WWOX: variants seen among roughly 807,000 people sequenced by gnomAD.
WWOX encodes the protein WW domain-containing oxidoreductase.
A neutral mutation model predicts 46.2 loss-of-function variants in WWOX; 69 were observed. The ratio of observed to expected loss-of-function variants is 1.49; its 90% CI spans 1.23 to 1.82. The LOEUF (loss-of-function observed/expected upper bound fraction) is 1.82, where lower values mean the gene tolerates loss of function less well. Among genes scored for constraint, WWOX ranks in the 40% most tolerant of loss-of-function variants. The probability of loss-of-function intolerance (pLI) is 0.00; values close to 1 mark genes in which losing one functional copy is unlikely to be tolerated. For synonymous variants in WWOX, 359 were observed against 202.6 expected (o/e 1.77, Z -6.56); for missense variants, 919 against 542.6 (o/e 1.69, Z -6.89).
At chr16:78,908,063 A>C (rs376343524) in intron 8 of WWOX, among the ~76,000 whole-genome samples, 1 of 152,172 alleles carries the variant, frequency 6.6e-6, no homozygotes, top group African/African-American at 2.4e-5. Flanking sequence ...GAAAGTTTAT[A>C]GTTCCCAAAT....
At position 78,339,613 on chromosome 16, in the gene WWOX, A is replaced by G. The variant is rs546410045; in HGVS notation, c.517-47247A>G. The stretch of plus-strand genomic sequence containing the variant: ...TAGTAGCTTTCTGAAAAAGGATGAT[A>G]GAATATGTGTGTGTGTCTGTGTGTG... On this transcript the variant is annotated intron_variant, in intron 5 of 8. Transcript: ENST00000566780. 2.8e-4 allele frequency among the ~76,000 whole-genome samples: 33 copies of G among 119,910 alleles called. 9 individuals carry two copies. The highest frequency in any genetic ancestry group is 5.6e-4 in the Non-Finnish European group (28 of 50,324). 78.7% of individuals were successfully genotyped at this position (119,910 alleles called of 152,430 possible). A position where few individuals can be genotyped will look rare whatever the true frequency, so the allele number is the denominator to read the frequency against.
chr16:79,133,311 C>T (rs759701633), intron 8 of WWOX, among the ~76,000 whole-genome samples: 1 of 152,148 alleles, frequency 6.6e-6, no homozygotes, highest in African/African-American at 2.4e-5. Context: ...CGCCACTTAA[C>T]AATTTTCCAC....
At chr16:78,796,493 G>A (rs1056731537) in intron 8 of WWOX, among the ~76,000 whole-genome samples, 5 of 152,236 alleles carry the variant, frequency 3.3e-5, no homozygotes, top group African/African-American at 1.2e-4. Context: ...ATGTAGTCTG[G>A]TGATGCCTCG....
chr16:78,449,396 A>G (rs1169473829), intron 8 of WWOX, among the ~76,000 whole-genome samples: 2 of 152,192 alleles, frequency 1.3e-5, no homozygotes, highest in African/African-American at 2.4e-5. Context: ...TCACAGTGGT[A>G]TGAATCCTGA....
chr16:78,941,479 A>G (rs1346860400), intron 8 of WWOX, among the ~76,000 whole-genome samples: 1 of 148,098 alleles, frequency 6.8e-6, no homozygotes, highest in Non-Finnish European at 1.5e-5. Context: ...TTTTTTTGTC[A>G]GTAGAGGGTG....
intron 8 of WWOX, chr16:79,077,814 C>G (rs923241475): frequency 1.3e-5 from 2 of 152,078 alleles, no homozygotes; most frequent in African/African-American, 4.8e-5. Context: ...AGTTTGTATT[C>G]TCCTAAACTC....
chr16:79,206,398 C>G (rs2051511326), intron 8 of WWOX: 1 of 152,220 alleles, frequency 6.6e-6, no homozygotes, highest in Non-Finnish European at 1.5e-5. Context: ...ACGTAATTAT[C>G]TGTATGGCTT....
chr16:79,176,217 A>G (rs1044790193), intron 8 of WWOX, among the ~76,000 whole-genome samples: 1 of 152,244 alleles, frequency 6.6e-6, no homozygotes, highest in East Asian at 1.9e-4. Context: ...ACAGAAAGCA[A>G]CATAAGTGGG....
At chr16:78,919,047 C>T (rs946625947) in intron 8 of WWOX, among the ~76,000 whole-genome samples, 5 of 152,030 alleles carry the variant, frequency 3.3e-5, no homozygotes, top group Non-Finnish European at 5.9e-5. Flanking sequence ...TCAGTCATAG[C>T]AGCCGCTGCC....
chr16:78,972,454 G>A (rs1319554962), intron 8 of WWOX, among the ~76,000 whole-genome samples: 1 of 137,334 alleles, frequency 7.3e-6, no homozygotes, highest in African/African-American at 2.8e-5. Flanking sequence ...CTGGAAGGAA[G>A]TCAGCAAGCA....
intron 8 of WWOX, among the ~76,000 whole-genome samples, chr16:78,475,003 C>G (rs563908806): frequency 6.6e-6 from 1 of 152,074 alleles, no homozygotes; most frequent in Non-Finnish European, 1.5e-5. Flanking sequence ...TGAGATTCAT[C>G]TTTGTAGCCA....
intron 8 of WWOX, among the ~76,000 whole-genome samples, chr16:78,983,932 C>CAGTG (rs1181987813): frequency 8.3e-6 from 1 of 119,932 alleles, no homozygotes; most frequent in Non-Finnish European, 1.6e-5. Context: ...GGCTGGAGTG[C>CAGTG]AGTGGCGCAG....
chr16:78,900,431 A>T (rs2044802106), intron 8 of WWOX, among the ~76,000 whole-genome samples: 1 of 152,240 alleles, frequency 6.6e-6, no homozygotes. Context: ...TTTTCCTTAA[A>T]AATGAGACTT....
intron 8 of WWOX, among the ~76,000 whole-genome samples, chr16:78,662,209 G>C (rs1228190784): frequency 6.6e-6 from 1 of 152,030 alleles, no homozygotes; most frequent in Non-Finnish European, 1.5e-5. Flanking sequence ...AAATAAGTGA[G>C]GTTTGTATAA....
intron 8 of WWOX, among the ~76,000 whole-genome samples, chr16:78,736,543 A>G (rs1031206543): frequency 1.3e-5 from 2 of 151,990 alleles, no homozygotes; most frequent in East Asian, 1.9e-4. Flanking sequence ...TCCATGGCAC[A>G]CAATGTTTTC....
chr16:78,679,147 G>A (rs1567484774), intron 8 of WWOX, among the ~76,000 whole-genome samples: 1 of 152,186 alleles, frequency 6.6e-6, no homozygotes, highest in Non-Finnish European at 1.5e-5. Context: ...GATTCAGGGA[G>A]GATTGTGTCC....
intron 6 of WWOX, among the ~76,000 whole-genome samples, chr16:78,422,087 G>A (rs1277246014): frequency 6.6e-6 from 1 of 152,072 alleles, no homozygotes; most frequent in East Asian, 1.9e-4. Context: ...ATGGTTATTT[G>A]TAATCTACCT....
intron 8 of WWOX, among the ~76,000 whole-genome samples, chr16:78,804,096 G>A (rs1010865879): frequency 6.6e-6 from 1 of 152,030 alleles, no homozygotes; most frequent in African/African-American, 2.4e-5. Flanking sequence ...GTTTGACCCC[G>A]CCGCAGTGGA....
chr16:78,667,500 C>G (rs534637636), intron 8 of WWOX, among the ~76,000 whole-genome samples: 13 of 151,864 alleles, frequency 8.6e-5, no homozygotes, highest in African/African-American at 3.1e-4. Context: ...GAAACCCTGT[C>G]TCTACTAAAA....
Sources: gnomAD v4.1 joint callset for allele counts (sites outside exome capture counted in the v4.1 genomes callset) on GRCh38, gnomAD v4.1.1 for gene constraint, MANE v1.5 for transcripts, NCBI Gene and HGNC (gene_info 2026-07-23, HGNC 2026-07-21) for gene names.